U2SURP: variants seen among roughly 807,000 people sequenced by gnomAD.
U2SURP encodes the protein U2 snRNP associated SURP domain containing, also known as U2 snRNP-associated SURP motif-containing protein.
A neutral mutation model predicts 144.9 loss-of-function variants in U2SURP; 9 were observed. That is an observed-to-expected ratio of 0.06 (90% CI 0.04 to 0.11). The LOEUF (loss-of-function observed/expected upper bound fraction) is 0.11, where lower values mean the gene tolerates loss of function less well. U2SURP is among the 10% of genes least tolerant of loss of function. The pLI is 1.00. For synonymous variants in U2SURP, 408 were observed against 396.8 expected (o/e 1.03, Z -0.33); for missense variants, 724 against 1,226.7 (o/e 0.59, Z 6.12).
chr3:143,043,347 CTT>C, intron 24 of U2SURP, 71 bp downstream of exon 24: 1 of 1,475,468 alleles, frequency 6.8e-7, no homozygotes, highest in East Asian at 2.4e-5. Context: ...TAAGTTGCCT[CTT>C]TGCATTGTAC....
rs529503803 is a variant in U2SURP, at chr3:143,023,546, A to G, written c.1231-429A>G. Among the ~76,000 whole-genome samples the G allele has an allele frequency of 1.2e-3, 186 of 152,350 alleles. 2 individuals are homozygous for G. Among genetic ancestry groups the G allele is most frequent in the Middle Eastern group, 6.8e-3 (2 of 294 alleles). On this transcript the variant is annotated intron_variant, in intron 12 of 27. Coordinates refer to ENST00000473835, the MANE Select transcript of U2SURP (RefSeq NM_001080415.2). The stretch of plus-strand genomic sequence containing the variant: ...ATTTTCTTTTTAGTAAATAAAACCA[A>G]CTTAATTTCAAGTTATAAGAATTCG...
chr3:143,009,711 G>C (rs1445453172), intron 1 of U2SURP, among the ~76,000 whole-genome samples: 1 of 152,200 alleles, frequency 6.6e-6, no homozygotes, highest in Admixed American at 6.5e-5. Context: ...GTGGAGTTCA[G>C]AGGAGTAAAT....
chr3:143,034,021 G>A (rs1933662475), intron 18 of U2SURP, among the ~76,000 whole-genome samples: 1 of 152,168 alleles, frequency 6.6e-6, no homozygotes, highest in Non-Finnish European at 1.5e-5. Context: ...TATAGAATCT[G>A]TGTTCTCTTC....
chr3:143,050,763 C>T (rs966508779), intron 24 of U2SURP, among the ~76,000 whole-genome samples, 176 bp from the exon 25 acceptor site: 1 of 152,096 alleles, frequency 6.6e-6, no homozygotes, highest in African/African-American at 2.4e-5. Flanking sequence ...GAGAGGGTTC[C>T]CATCTGGTCA....
chr3:143,056,593 T>A lies in U2SURP; in HGVS notation c.*143T>A. The A allele has an allele frequency of 4.7e-6, 4 of 845,944 alleles. No individual in the cohort carries two copies. The highest frequency in any genetic ancestry group is 5.4e-6 in the Non-Finnish European group (3 of 557,828). 52.4% of individuals were successfully genotyped at this position (845,944 alleles called of 1,614,324 possible). A position where few individuals can be genotyped will look rare whatever the true frequency, so the allele number is the denominator to read the frequency against. On this transcript the variant is annotated 3_prime_UTR_variant, in exon 28 of 28. Transcript: ENST00000473835. ...GTTTGTGTATGCATGTGTAAACTCA[T>A]GAGCAACTGCATCTGTAGATCTGTC...
intron 25 of U2SURP, among the ~76,000 whole-genome samples, chr3:143,051,613 A>G (rs1934860941): frequency 2.0e-5 from 3 of 151,222 alleles, no homozygotes; most frequent in Admixed American, 6.6e-5. Flanking sequence ...AAAAAAAAAA[A>G]AAAAAAAAGA....
intron 6 of U2SURP, chr3:143,017,203 T>G (rs1936414606): frequency 2.6e-6 from 1 of 381,802 alleles, no homozygotes. Context: ...CATTTGCTAT[T>G]TATGCTCATA....
At chr3:143,051,086 G>A (rs1272289854) in intron 25 of U2SURP, 37 bp downstream of exon 25, 1 of 1,312,722 alleles carries the variant, frequency 7.6e-7, no homozygotes, top group Non-Finnish European at 1.1e-6. Flanking sequence ...CACATATTTT[G>A]AAGTTATTTA....
At chr3:143,034,219 C>T (rs550925277) in intron 18 of U2SURP, among the ~76,000 whole-genome samples, 23 of 152,268 alleles carry the variant, frequency 1.5e-4, no homozygotes, top group Non-Finnish European at 2.6e-4. Context: ...CCCTGGCCAA[C>T]GTGGTGAAAC....
At chr3:143,033,534 G>A (rs957445563) in intron 18 of U2SURP, among the ~76,000 whole-genome samples, 184 bp downstream of exon 18, 3 of 152,070 alleles carry the variant, frequency 2.0e-5, no homozygotes, top group Non-Finnish European at 4.4e-5. Flanking sequence ...AAGAAAAATT[G>A]TATCTGTACC....
chr3:143,030,264 C>T (rs1235053182), intron 16 of U2SURP, among the ~76,000 whole-genome samples: 1 of 152,182 alleles, frequency 6.6e-6, no homozygotes, highest in African/African-American at 2.4e-5. Flanking sequence ...GACAGGCTGA[C>T]TCTCTTATTA....
rs780636700 is a variant in U2SURP at position 143,058,552 on chromosome 3, C to G, written c.*2102C>G. 6.6e-6 allele frequency: 1 copy of G among 151,628 alleles called. No individual in the cohort carries two copies. Among genetic ancestry groups the G allele is most frequent in the Non-Finnish European group, 1.5e-5 (1 of 67,754 alleles). The allele number at this position is 151,628 out of a possible 1,614,324, so 9.4% of individuals were successfully genotyped here. A position where few individuals can be genotyped will look rare whatever the true frequency, so the allele number is the denominator to read the frequency against. ...ATATTCTGTGAAGTTTGTTAATGTA[C>G]ATATTAGATTGTATTGGATTTTTTT... On this transcript the variant is annotated 3_prime_UTR_variant, in exon 28 of 28. Coordinates refer to ENST00000473835, the MANE Select transcript of U2SURP (RefSeq NM_001080415.2).
In U2SURP at chr3:143,037,247, A is replaced by G. The variant is rs1369149830; in HGVS notation, c.2133A>G (p.Val711=). ...EELDGAPLED[V]DGIPIDATPI... ...TTGATGGTGCACCTCTGGAAGATGT[A>G]GATGGAATTCCTATTGATGCTACTC... The change falls in exon 21 of 28, where the codon GTA becomes GTG. Residue 711 remains valine, a synonymous_variant. Coordinates refer to ENST00000473835, the MANE Select transcript of U2SURP (RefSeq NM_001080415.2). The G allele has an allele frequency of 6.2e-7, 1 of 1,612,688 alleles. No homozygotes were observed. The highest frequency in any genetic ancestry group is 1.1e-5 in the South Asian group (1 of 90,820).
intron 19 of U2SURP, 109 bp from the exon 20 acceptor site, chr3:143,035,873 C>T (rs564219899): frequency 8.8e-7 from 1 of 1,141,328 alleles, no homozygotes; most frequent in Admixed American, 3.4e-5. Context: ...TTTAAAAAAA[C>T]ATCAGTTTAA....
intron 18 of U2SURP, among the ~76,000 whole-genome samples, chr3:143,033,984 A>G (rs1463899254): frequency 6.6e-6 from 1 of 152,270 alleles, no homozygotes; most frequent in East Asian, 1.9e-4. Flanking sequence ...ACTGGCAAAC[A>G]TAAGAGACCA....
chr3:143,034,664 A>C (rs908636914), intron 18 of U2SURP: 2 of 384,624 alleles, frequency 5.2e-6, no homozygotes, highest in African/African-American at 4.2e-5. Context: ...CGTAAAGGGA[A>C]CTAGTAGGGA....
rs936630450 is a variant in U2SURP at position 143,043,066 on chromosome 3, T to G, written c.2385-51T>G. On this transcript the variant is annotated intron_variant, in intron 23 of 27. Transcript: ENST00000473835. ...AATAAAATAGGTAGACTGTAAAATA[T>G]GGTACTCTCTTGCTGCCTTGACATA... 4 of 1,491,410 alleles carry G rather than the reference T, an allele frequency of 2.7e-6. No individual in the cohort carries two copies. In the African/African-American group the frequency reaches 5.6e-5, roughly 21 times the overall value. The allele number at this position is 1,491,410 out of a possible 1,614,324, so 92.4% of individuals were successfully genotyped here. A position where few individuals can be genotyped will look rare whatever the true frequency, so the allele number is the denominator to read the frequency against.
At chr3:143,038,643 G>A (rs1933936064) in intron 22 of U2SURP, among the ~76,000 whole-genome samples, 1 of 151,958 alleles carries the variant, frequency 6.6e-6, no homozygotes, top group East Asian at 1.9e-4. Context: ...AGGTTCTAAT[G>A]AAATAAATCT....
At chr3:143,051,336 C>G (rs1464074428) in intron 25 of U2SURP, among the ~76,000 whole-genome samples, 1 of 152,114 alleles carries the variant, frequency 6.6e-6, no homozygotes, top group Non-Finnish European at 1.5e-5. Context: ...CAGGACAAGT[C>G]ACATTTTGTG....
Sources: gnomAD v4.1 joint callset for allele counts (sites outside exome capture counted in the v4.1 genomes callset) on GRCh38, gnomAD v4.1.1 for gene constraint, MANE v1.5 for transcripts, NCBI Gene and HGNC (gene_info 2026-07-23, HGNC 2026-07-21) for gene names.